Variants in GOLGA3 observed in about 807,000 individuals in gnomAD.
GOLGA3 encodes the protein golgin A3.
In GOLGA3, 75 loss-of-function variants were observed where a neutral mutation model predicts 169.4. The ratio of observed to expected loss-of-function variants is 0.44; its 90% CI spans 0.37 to 0.54. GOLGA3 has a LOEUF of 0.54. GOLGA3 is among the 20% of genes least tolerant of loss of function. The pLI is 0.00. For missense variants in GOLGA3, 1,899 were observed against 1,930.0 expected, an observed-to-expected ratio of 0.98 and a Z score of 0.30; for synonymous variants, 824 against 822.4, an observed-to-expected ratio of 1.00 and a Z score of -0.03.
Position 132,789,088 on chromosome 12 carries a change from T to C in GOLGA3, c.2750A>G (p.Asp917Gly). The C allele has an allele frequency of 6.2e-7, 1 of 1,611,876 alleles. No individual in the cohort carries two copies. Among genetic ancestry groups the C allele is most frequent in the African/African-American group, 1.3e-5 (1 of 74,990 alleles). The change falls in exon 13 of 24, where the codon GAC becomes GGC. Residue 917 changes from aspartate (D) to glycine (G), a missense_variant. Transcript: ENST00000450791. ...EVAQVRQHMA[D>G]LEGHLQSAQK... ...CGCCGACTGGAGATGCCCTTCAAGG[T>C]CCGCCATGTGCTGACGGACCTGGGC...
At position 132,777,524 on chromosome 12, in the gene GOLGA3, G is replaced by C. The variant is rs936038269; in HGVS notation, c.3722+142C>G. 1.1e-5 allele frequency: 9 copies of C among 836,580 alleles called. No individual in the cohort carries two copies. In the Middle Eastern group the frequency reaches 1.1e-3, roughly 99 times the overall value. The allele number at this position is 836,580 out of a possible 1,614,324, so 51.8% of individuals were successfully genotyped here. On this transcript the variant is annotated intron_variant, in intron 19 of 23. Transcript: ENST00000450791. This position sits in a 1 kb window ranked among gnomAD's most constrained non-coding sequence, Gnocchi z 4.7. ...TCAGGATTCTGGAGACGGAGGCTGG[G>C]TGCCTTCTACTCCTATGATTCACTC...
intron 17 of GOLGA3, among the ~76,000 whole-genome samples, chr12:132,781,421 C>T (rs889713126): frequency 1.3e-5 from 2 of 152,024 alleles, no homozygotes; most frequent in South Asian, 2.1e-4. Context: ...TAGCTGGGCG[C>T]GGTGGTGCAC....
chr12:132,775,026 G>A (rs2045142537), intron 22 of GOLGA3, 115 bp downstream of exon 22: 1 of 828,724 alleles, frequency 1.2e-6, no homozygotes, highest in Non-Finnish European at 1.9e-6. Flanking sequence ...CAGCTGCTCA[G>A]TGTGGGCTCA....
intron 1 of GOLGA3, among the ~76,000 whole-genome samples, chr12:132,828,095 G>T (rs1950496949): frequency 6.6e-6 from 1 of 152,058 alleles, no homozygotes; most frequent in Non-Finnish European, 1.5e-5. Flanking sequence ...TGCCTGAGGC[G>T]CGCTTTTCTC....
intron 9 of GOLGA3, 91 bp downstream of exon 9, chr12:132,798,249 C>T: frequency 8.1e-7 from 1 of 1,240,996 alleles, no homozygotes; most frequent in Non-Finnish European, 1.1e-6. Flanking sequence ...AAGAGATACA[C>T]ACAGAGAGAC....
intron 8 of GOLGA3, among the ~76,000 whole-genome samples, chr12:132,798,840 A>G (rs1948998090): frequency 6.6e-6 from 1 of 152,182 alleles, no homozygotes; most frequent in South Asian, 2.1e-4. Context: ...TCTTAACTGA[A>G]CAAATCCAGC....
At chr12:132,774,498 G>C in intron 22 of GOLGA3, 178 bp from the exon 23 acceptor site, 1 of 643,900 alleles carries the variant, frequency 1.6e-6, no homozygotes, top group Non-Finnish European at 2.7e-6. Flanking sequence ...CAGAATAGCT[G>C]GCTGAGGAAA....
intron 22 of GOLGA3, 192 bp downstream of exon 22, chr12:132,774,949 A>G (rs2045139359): frequency 1.7e-6 from 1 of 574,614 alleles, no homozygotes. Context: ...CGAGGAAAAC[A>G]CTGTTGGATG....
chr12:132,824,587 A>G (rs929281815), intron 1 of GOLGA3, among the ~76,000 whole-genome samples: 3 of 152,218 alleles, frequency 2.0e-5, no homozygotes, highest in South Asian at 2.1e-4. Flanking sequence ...AAAAATATTT[A>G]AAGATTAAAG....
chr12:132,773,950 T>G (rs576614496), intron 23 of GOLGA3, among the ~76,000 whole-genome samples: 2 of 141,802 alleles, frequency 1.4e-5, no homozygotes, highest in African/African-American at 2.7e-5. Flanking sequence ...GGCTGAGTCC[T>G]TCCCCCTTTA....
chr12:132,809,396 A>G (rs1320609894), intron 4 of GOLGA3, among the ~76,000 whole-genome samples: 1 of 152,138 alleles, frequency 6.6e-6, no homozygotes, highest in East Asian at 1.9e-4. Flanking sequence ...AGTCTTCTCT[A>G]AACTCCCCCG....
chr12:132,810,522 A>G (rs1182990978), intron 4 of GOLGA3, among the ~76,000 whole-genome samples: 1 of 152,182 alleles, frequency 6.6e-6, no homozygotes, highest in Non-Finnish European at 1.5e-5. Context: ...CCAATATTAT[A>G]ATAATCCTCA....
In GOLGA3 at chr12:132,807,203, C is replaced by T. The variant is rs769253127; in HGVS notation, c.1264G>A (p.Glu422Lys). ...KEKMRLEGQL[E>K]ALSLEASQAL... is the part of the protein sequence containing the mutation. Reference sequence around the variant, plus strand: ...TGACTCGCCTCCAGTGACAAGGCTTCCAGCTGTCCTTCGAGTCGCATTTTC... The same window carrying T: ...TGACTCGCCTCCAGTGACAAGGCTTTCAGCTGTCCTTCGAGTCGCATTTTC... The change falls in exon 6 of 24, where the codon GAA (glutamate) becomes AAA (lysine). Residue 422 changes from glutamate to lysine, a missense_variant. Glu to Lys is a moderately conservative substitution (Grantham distance 56). Transcript: ENST00000450791. 1.2e-6 allele frequency: 2 copies of T among 1,606,600 alleles called. No individual in the cohort carries two copies. The highest frequency in any genetic ancestry group is 1.7e-6 in the Non-Finnish European group (2 of 1,175,930).
Position 132,801,870 on chromosome 12 carries a change from G to A in GOLGA3, c.1697C>T (p.Ala566Val), listed in dbSNP as rs371111883. ...GACACTCTGCAGGGACGAGATCTCCGCCTGCGACGCCTTCAGCTTGCTGGT... is the reference window on the plus strand; with the variant it reads ...GACACTCTGCAGGGACGAGATCTCCACCTGCGACGCCTTCAGCTTGCTGGT... ...TLTSKLKASQ[A>V]EISSLQSVRQ... Residue 566 changes from alanine to valine, a missense_variant, in exon 8 of 24, where the codon GCG becomes GTG. Physicochemically the swap from Ala to Val is moderately conservative, Grantham distance 64. Transcript: ENST00000450791. The A allele has an allele frequency of 1.5e-5, 24 of 1,604,718 alleles. No homozygotes were observed. Among genetic ancestry groups the A allele is most frequent in the South Asian group, 3.3e-5 (3 of 91,082 alleles).
intron 9 of GOLGA3, among the ~76,000 whole-genome samples, chr12:132,797,302 C>T (rs145607682): frequency 5.1e-4 from 77 of 152,246 alleles, no homozygotes; most frequent in African/African-American, 7.0e-4. Flanking sequence ...CTGGCAAGAT[C>T]GGCAACGAGA....
intron 11 of GOLGA3, among the ~76,000 whole-genome samples, chr12:132,791,879 C>T (rs1332474374): frequency 7.3e-6 from 1 of 136,268 alleles, no homozygotes; most frequent in African/African-American, 2.7e-5. Flanking sequence ...CAGAAGGGGA[C>T]ACATCTGCAG....
intron 6 of GOLGA3, among the ~76,000 whole-genome samples, chr12:132,806,784 C>T (rs572943525): frequency 6.6e-6 from 1 of 152,296 alleles, no homozygotes; most frequent in South Asian, 2.1e-4. Flanking sequence ...CACATGCTAA[C>T]CAAGCCAGCG....
chr12:132,814,136 T>C (rs1369207527), intron 3 of GOLGA3, among the ~76,000 whole-genome samples: 2 of 151,110 alleles, frequency 1.3e-5, no homozygotes, highest in Non-Finnish European at 2.9e-5. Context: ...GCGATTCTCC[T>C]GCCACAGCCT....
rs146630002 is a variant in GOLGA3 at position 132,816,700 on chromosome 12, G to A, written c.246C>T (p.Leu82=). 50 of 1,614,144 alleles carry A rather than the reference G, an allele frequency of 3.1e-5. No homozygotes were observed. The African/African-American group carries it at 4.7e-4, about 15-fold the overall frequency. The change falls in exon 3 of 24, where the codon CTC becomes CTT. Residue 82 remains leucine (L), a synonymous_variant. Transcript: ENST00000450791. ...TPPFPDPPSS[L]DPTTSPVGPD... is the part of the protein sequence containing the mutation. The stretch of plus-strand genomic sequence containing the variant: ...GGCCCACTGGGCTTGTGGTGGGATC[G>A]AGAGACGACGGAGGGTCTGGGAAGG...
Sources: allele counts gnomAD v4.1 joint callset (sites outside exome capture counted in the v4.1 genomes callset), GRCh38; gene constraint gnomAD v4.1.1; non-coding constraint Gnocchi (gnomAD v3.1); transcripts MANE v1.5; gene names NCBI Gene and HGNC (gene_info 2026-07-23, HGNC 2026-07-21).